The following HELZ variants were observed in gnomAD, a reference collection of about 807,000 sequenced individuals.
HELZ encodes the protein ATP-dependent RNA helicase with zinc finger domain.
Under a neutral mutation model 218.2 loss-of-function variants are expected in HELZ, and 23 were observed. The ratio of observed to expected loss-of-function variants is 0.11; its 90% CI spans 0.08 to 0.15. HELZ has a LOEUF of 0.15. HELZ is among the 10% of genes least tolerant of loss of function. The pLI is 1.00. For missense variants in HELZ, 1,813 were observed against 2,353.7 expected (o/e 0.77, Z 4.75); for synonymous variants, 814 against 829.4 (o/e 0.98, Z 0.32).
chr17:67,109,231 C>T lies in HELZ; in HGVS notation c.4374G>A (p.Leu1458=). The change falls in exon 29 of 33, where the codon CTG becomes CTA. Residue 1458 remains leucine (L), a synonymous_variant. Transcript: ENST00000358691. ...CTCTCAGAGGACTGTGGCCTTCTTG[C>T]AGCATGGGAGGGGGCTGCTGCTCCG... ...VIPEQQPPPM[L]QEGHSPLRAI... The T allele has an allele frequency of 6.2e-7, 1 of 1,614,096 alleles. No homozygotes were observed. The highest frequency in any genetic ancestry group is 8.5e-7 in the Non-Finnish European group (1 of 1,180,008).
At position 67,188,872 on chromosome 17, in the gene HELZ, T is replaced by C. The variant is rs1014781096; in HGVS notation, c.865-256A>G. ...CACTGTGGCAAAAGCTATCACCCTA[T>C]ATAACCATCAACCTTCAAACTTTCC... On this transcript the variant is annotated intron_variant, in intron 11 of 32. Transcript: ENST00000358691. This position sits in a 1 kb window ranked among gnomAD's most constrained non-coding sequence, Gnocchi z 4.1. 4.6e-5 allele frequency among the ~76,000 whole-genome samples: 7 copies of C among 152,172 alleles called. No individual in the cohort carries two copies.
Position 67,225,101 on chromosome 17 carries a change from T to C in HELZ, c.-18-6279A>G. 7 of 484,452 alleles carry C rather than the reference T, an allele frequency of 1.4e-5. 1 individual carries two copies. Among genetic ancestry groups the C allele is most frequent in the South Asian group, 1.4e-4 (7 of 50,122 alleles). The allele number at this position is 484,452 out of a possible 1,614,324, so 30.0% of individuals were successfully genotyped here. A position where few individuals can be genotyped will look rare whatever the true frequency, so the allele number is the denominator to read the frequency against. The stretch of plus-strand genomic sequence containing the variant: ...GAGTTTATGTTTAAAAAATTACATA[T>C]ATATATAAGCCCAAAGCATTTGTTT... On this transcript the variant is annotated intron_variant, in intron 3 of 32. Transcript: ENST00000358691.
At chr17:67,139,852 T>C (rs1292401205) in intron 21 of HELZ, among the ~76,000 whole-genome samples, 1 of 152,178 alleles carries the variant, frequency 6.6e-6, no homozygotes, top group Non-Finnish European at 1.5e-5. Flanking sequence ...ATTGGCAGAT[T>C]TCATTTTTCA....
At chr17:67,132,480 T>G (rs759573048) in intron 23 of HELZ, among the ~76,000 whole-genome samples, 11 of 152,234 alleles carry the variant, frequency 7.2e-5, no homozygotes, top group Non-Finnish European at 1.6e-4. Context: ...AATGTGGGTT[T>G]TGAAGTCAAT....
intron 23 of HELZ, among the ~76,000 whole-genome samples, chr17:67,130,603 T>G (rs1053981162): frequency 6.6e-6 from 1 of 152,192 alleles, no homozygotes; most frequent in Non-Finnish European, 1.5e-5. Flanking sequence ...TTGTGCTTTT[T>G]TTCTCATCAT....
At chr17:67,182,806 G>A (rs1255863923) in intron 12 of HELZ, among the ~76,000 whole-genome samples, 2 of 152,204 alleles carry the variant, frequency 1.3e-5, no homozygotes, top group African/African-American at 4.8e-5. Flanking sequence ...GAATAGCAGT[G>A]CTTGCATTTC....
chr17:67,096,348 G>T (rs930613845), intron 31 of HELZ, among the ~76,000 whole-genome samples: 1 of 152,158 alleles, frequency 6.6e-6, no homozygotes, highest in African/African-American at 2.4e-5. Context: ...TTCACCAGCT[G>T]CATTAGTTCC....
chr17:67,167,827 A>G (rs372419289), intron 13 of HELZ, 31 bp from the exon 14 acceptor site: 2 of 1,381,128 alleles, frequency 1.4e-6, no homozygotes, highest in African/African-American at 2.9e-5. Flanking sequence ...TAGTTTGAAT[A>G]TTTTACATCA....
At chr17:67,207,367 G>A (rs1004427562) in intron 5 of HELZ, among the ~76,000 whole-genome samples, 17 of 151,434 alleles carry the variant, frequency 1.1e-4, no homozygotes, top group African/African-American at 3.4e-4. Context: ...TTACATGCAC[G>A]TGCTACCACA....
chr17:67,188,230 T>C lies in HELZ; in HGVS notation c.1162+89A>G. Reference sequence around the variant, plus strand: ...TTTTTCTTTATTACTATTCTCTTCCTATCCATGGAATATATTCAGGGGCCA... The same window carrying C: ...TTTTTCTTTATTACTATTCTCTTCCCATCCATGGAATATATTCAGGGGCCA... On this transcript the variant is annotated intron_variant, in intron 12 of 32. Transcript: ENST00000358691. This position sits in a 1 kb window ranked among gnomAD's most constrained non-coding sequence, Gnocchi z 4.1. 1 of 1,221,832 alleles carries C rather than the reference T, an allele frequency of 8.2e-7. No homozygotes were observed. Among genetic ancestry groups the C allele is most frequent in the Non-Finnish European group, 1.2e-6 (1 of 866,436 alleles). The allele number at this position is 1,221,832 out of a possible 1,614,324, so 75.7% of individuals were successfully genotyped here.
rs201997321 is a variant in HELZ at position 67,109,130 on chromosome 17, A to C, written c.4475T>G (p.Ile1492Arg). Residue 1492 changes from isoleucine (I) to arginine (R), a missense_variant, in exon 29 of 33, where the codon ATA becomes AGA. This residue lies in a region of HELZ where 938 missense variants were observed against 1,027.5 expected (regional missense o/e 0.91). Coordinates refer to ENST00000358691, the MANE Select transcript of HELZ (RefSeq NM_014877.4). ...FIDENPSGLP[I>R]GEALDRIHGS... Reference sequence around the variant, plus strand: ...ATAGAACTTACCTAAAGCCTCCCCTATAGGTAATCCCGAGGGGTTCTCATC... The same window carrying C: ...ATAGAACTTACCTAAAGCCTCCCCTCTAGGTAATCCCGAGGGGTTCTCATC... 6.2e-7 allele frequency: 1 copy of C among 1,610,548 alleles called. No individual in the cohort carries two copies.
intron 3 of HELZ, among the ~76,000 whole-genome samples, chr17:67,229,599 AAAT>A (rs1487690436): frequency 2.0e-5 from 3 of 152,186 alleles, no homozygotes; most frequent in Non-Finnish European, 2.9e-5. Flanking sequence ...ACCATTCCAT[AAAT>A]AATTAAATTT....
At chr17:67,169,212 T>C (rs765566631) in intron 13 of HELZ, among the ~76,000 whole-genome samples, 35 of 152,200 alleles carry the variant, frequency 2.3e-4, no homozygotes, top group Non-Finnish European at 4.7e-4. Flanking sequence ...TAAGAAATGG[T>C]GGCAACATTT....
At chr17:67,180,296 C>T (rs895479345) in intron 12 of HELZ, among the ~76,000 whole-genome samples, 2 of 151,890 alleles carry the variant, frequency 1.3e-5, no homozygotes, top group African/African-American at 4.8e-5. Context: ...CTAGATTGAA[C>T]AACATAGTGA....
chr17:67,235,967 A>G (rs375130047), intron 3 of HELZ, among the ~76,000 whole-genome samples: 21 of 152,046 alleles, frequency 1.4e-4, no homozygotes, highest in Non-Finnish European at 2.2e-4. Flanking sequence ...TCATCGTGTT[A>G]GCCAGGATGG....
At chr17:67,124,801 T>G (rs767222229) in intron 24 of HELZ, among the ~76,000 whole-genome samples, 4 of 152,116 alleles carry the variant, frequency 2.6e-5, no homozygotes, top group Non-Finnish European at 5.9e-5. Flanking sequence ...GTATATTTAG[T>G]CTACCATTAA....
chr17:67,189,778 A>G (rs1394575961), intron 10 of HELZ, 82 bp from the exon 11 acceptor site: 2 of 899,260 alleles, frequency 2.2e-6, no homozygotes, highest in East Asian at 2.4e-5. Flanking sequence ...ATAAATGTCA[A>G]CAGTTAAGAT....
intron 28 of HELZ, among the ~76,000 whole-genome samples, 199 bp from the exon 29 acceptor site, chr17:67,109,885 A>C (rs1044701733): frequency 6.6e-6 from 1 of 152,176 alleles, no homozygotes; most frequent in African/African-American, 2.4e-5. Flanking sequence ...CAGAAAAAAA[A>C]CAGCATATTA....
chr17:67,205,793 T>C (rs1009299598), intron 5 of HELZ, among the ~76,000 whole-genome samples: 1 of 152,258 alleles, frequency 6.6e-6, no homozygotes, highest in Admixed American at 6.5e-5. Context: ...TTCCACTACA[T>C]TGCTGTATGA....
Sources: allele counts gnomAD v4.1 joint callset (sites outside exome capture counted in the v4.1 genomes callset), GRCh38; gene constraint gnomAD v4.1.1; regional missense constraint gnomAD v4.1.1; non-coding constraint Gnocchi (gnomAD v3.1); transcripts MANE v1.5; gene names NCBI Gene and HGNC (gene_info 2026-07-23, HGNC 2026-07-21).